UGGT1: variants seen among roughly 807,000 people sequenced by gnomAD.
The protein encoded by UGGT1 is UDP-glucose glycoprotein glucosyltransferase 1, also known as UDP-glucose:glycoprotein glucosyltransferase 1.
UGGT1 carries 107 observed loss-of-function variants against 203.9 expected under a neutral mutation model. That is an observed-to-expected ratio of 0.52 (90% CI 0.45 to 0.62). The LOEUF is 0.62. UGGT1 is among the 20% of genes least tolerant of loss of function. The pLI, the probability that UGGT1 is intolerant of heterozygous loss-of-function variation, is 0.00. For missense variants in UGGT1, 1,673 were observed against 1,867.2 expected (o/e 0.90, Z 1.92); for synonymous variants, 628 against 653.5 (o/e 0.96, Z 0.59).
intron 18 of UGGT1, chr2:128,151,130 C>G (rs1689941689): frequency 2.5e-6 from 1 of 404,768 alleles, no homozygotes; most frequent in African/African-American, 2.1e-5. Flanking sequence ...GGATTATAGG[C>G]ATGAGCCATT....
chr2:128,105,559 G>A (rs1294399986), intron 3 of UGGT1, among the ~76,000 whole-genome samples: 1 of 151,792 alleles, frequency 6.6e-6, no homozygotes, highest in Non-Finnish European at 1.5e-5. Context: ...CTGTTGCCCA[G>A]GCTGGAGTGC....
chr2:128,187,032 G>A (rs1283726731), intron 39 of UGGT1, among the ~76,000 whole-genome samples: 2 of 152,032 alleles, frequency 1.3e-5, no homozygotes, highest in Non-Finnish European at 2.9e-5. Context: ...TAAGTATATA[G>A]TTTGTTGGGG....
At chr2:128,160,356 A>C (rs1690464064) in intron 23 of UGGT1, 104 bp from the exon 24 acceptor site, 3 of 1,235,084 alleles carry the variant, frequency 2.4e-6, no homozygotes, top group Non-Finnish European at 3.3e-6. Context: ...ATTAGTTATT[A>C]CTTTCCAGGG....
chr2:128,180,901 T>C lies in UGGT1; in HGVS notation c.3912T>C (p.Pro1304=). The change falls in exon 36 of 41, where the codon CCT becomes CCC. Residue 1304 remains proline, a synonymous_variant. Transcript: ENST00000259253. ...YLSPTFKEFI[P]YMANEYNFQY... is the part of the protein sequence containing the mutation. ...ATGTCTAAAAATAGGAGTTTATACC[T>C]TACATGGCAAATGAATACAATTTCC... 6.2e-7 allele frequency: 1 copy of C among 1,613,532 alleles called. No individual in the cohort carries two copies. The highest frequency in any genetic ancestry group is 8.5e-7 in the Non-Finnish European group (1 of 1,179,824).
In UGGT1 at chr2:128,141,747, G is replaced by A. The variant is rs1382019161; in HGVS notation, c.1720-1347G>A. Among the ~76,000 whole-genome samples the A allele has an allele frequency of 2.0e-5, 3 of 150,380 alleles. No individual in the cohort carries two copies. In the South Asian group the frequency reaches 6.3e-4, roughly 32 times the overall value. On this transcript the variant is annotated intron_variant, in intron 16 of 40. Coordinates refer to ENST00000259253, the MANE Select transcript of UGGT1 (RefSeq NM_020120.4). Reference sequence around the variant, plus strand: ...AGTCTCTTGAACCCAGGAGGCGGAGGTAGCAGTGAGCCAAGATGGTGCCAT... The same window carrying A: ...AGTCTCTTGAACCCAGGAGGCGGAGATAGCAGTGAGCCAAGATGGTGCCAT...
chr2:128,107,170 A>C (rs1687645883), intron 3 of UGGT1, among the ~76,000 whole-genome samples: 1 of 149,030 alleles, frequency 6.7e-6, no homozygotes. Flanking sequence ...AAATATATAC[A>C]TATGTATTCT....
intron 13 of UGGT1, among the ~76,000 whole-genome samples, 155 bp downstream of exon 13, chr2:128,129,334 T>C (rs1047259434): frequency 6.6e-6 from 1 of 152,078 alleles, no homozygotes; most frequent in African/African-American, 2.4e-5. Context: ...GTGTATGTAA[T>C]AAAGTAGGCC....
In UGGT1 at chr2:128,107,961, G is replaced by C. The variant is rs778094806; in HGVS notation, c.301G>C (p.Ala101Pro). 6.2e-7 allele frequency: 1 copy of C among 1,614,036 alleles called. No individual in the cohort carries two copies. The highest frequency in any genetic ancestry group is 8.5e-7 in the Non-Finnish European group (1 of 1,180,006). The change falls in exon 4 of 41, where the codon GCA (alanine) becomes CCA (proline). Residue 101 changes from alanine to proline, a missense_variant. Physicochemically the swap from Ala to Pro is conservative, Grantham distance 27. Coordinates refer to ENST00000259253, the MANE Select transcript of UGGT1 (RefSeq NM_020120.4). ...HDGTDYSYYH[A>P]ILEAAFQFLS... ...AGGTACCGATTATTCCTACTATCAT[G>C]CAATATTGGAGGCTGCATTTCAGTT...
At chr2:128,164,704 A>G in intron 25 of UGGT1, 26 bp from the exon 26 acceptor site, 2 of 1,599,010 alleles carry the variant, frequency 1.3e-6, no homozygotes, top group South Asian at 1.1e-5. Flanking sequence ...AAAAGATGTT[A>G]AGATTTCTCT....
At position 128,171,205 on chromosome 2, in the gene UGGT1, G is replaced by A; in HGVS notation, c.3025G>A (p.Val1009Ile). The change falls in exon 28 of 41, where the codon GTT (valine) becomes ATT (isoleucine). Residue 1009 changes from valine (V) to isoleucine (I), a missense_variant and splice_region_variant. By Grantham distance (29) the Val-to-Ile change is conservative (BLOSUM62 3). This residue lies in a region of UGGT1 where 513 missense variants were observed against 684.1 expected (regional missense o/e 0.75). Transcript: ENST00000259253. ...EAQRLAPLLL[V>I]LAQLINMNLR... ...TTTTGTCATCTGGTTTTCCTTCTAGGTTTTGGCTCAGCTGATAAACATGAA... is the reference window on the plus strand; with the variant it reads ...TTTTGTCATCTGGTTTTCCTTCTAGATTTTGGCTCAGCTGATAAACATGAA... 1 of 1,607,846 alleles carries A rather than the reference G, an allele frequency of 6.2e-7. No homozygotes were observed. The highest frequency in any genetic ancestry group is 8.5e-7 in the Non-Finnish European group (1 of 1,178,336).
intron 5 of UGGT1, among the ~76,000 whole-genome samples, chr2:128,110,837 A>G (rs1387611706): frequency 6.6e-6 from 1 of 152,172 alleles, no homozygotes; most frequent in Non-Finnish European, 1.5e-5. Context: ...ACTGTCCCGT[A>G]ATTGGTAATT....
chr2:128,161,243 C>A lies in UGGT1; in HGVS notation c.2800C>A (p.Gln934Lys). The A allele has an allele frequency of 6.2e-7, 1 of 1,613,788 alleles. No individual in the cohort carries two copies. The highest frequency in any genetic ancestry group is 1.1e-5 in the South Asian group (1 of 91,034). The change falls in exon 25 of 41, where the codon CAA becomes AAA. Residue 934 changes from glutamine to lysine, a missense_variant. Gln to Lys is a moderately conservative substitution (Grantham distance 53). Coordinates refer to ENST00000259253, the MANE Select transcript of UGGT1 (RefSeq NM_020120.4). ...TSGQKIKSHI[Q>K]QLRVEEDVAS... ...AGGACAGAAAATAAAATCTCATATT[C>A]AACAGCTTCGGGTAGAAGAAGATGT...
chr2:128,103,551 C>A (rs935475477), intron 2 of UGGT1, among the ~76,000 whole-genome samples: 1 of 152,098 alleles, frequency 6.6e-6, no homozygotes, highest in African/African-American at 2.4e-5. Flanking sequence ...TAAGGCCTTT[C>A]AGAAAATAAG....
At chr2:128,093,000 T>A (rs1686939917) in intron 1 of UGGT1, among the ~76,000 whole-genome samples, 1 of 152,242 alleles carries the variant, frequency 6.6e-6, no homozygotes, top group Non-Finnish European at 1.5e-5. Flanking sequence ...TAAGGGATCC[T>A]ATAAAATGAA....
chr2:128,139,967 G>T, intron 16 of UGGT1: 1 of 153,872 alleles, frequency 6.5e-6, no homozygotes, highest in South Asian at 1.8e-4. Flanking sequence ...GTGTCTGCTT[G>T]ATGAGGTCCA....
chr2:128,097,446 G>A lies in UGGT1; in HGVS notation c.76G>A (p.Gly26Arg), dbSNP rs140632100. ...CCTTTTAGGAGTTTGCTATAAAATG[G>A]GAGTTCTGGTTGTACTCACTGTTCT... ...LPVTGVCYKM[G>R]VLVVLTVLWL... The change falls in exon 2 of 41, where the codon GGA becomes AGA. Residue 26 changes from glycine (G) to arginine (R), a missense_variant. Coordinates refer to ENST00000259253, the MANE Select transcript of UGGT1 (RefSeq NM_020120.4). The A allele has an allele frequency of 6.2e-7, 1 of 1,609,622 alleles. No individual in the cohort carries two copies. The highest frequency in any genetic ancestry group is 1.3e-5 in the African/African-American group (1 of 74,546).
chr2:128,187,726 C>T (rs947445987), intron 40 of UGGT1, 112 bp downstream of exon 40: 1 of 1,199,882 alleles, frequency 8.3e-7, no homozygotes, highest in Non-Finnish European at 1.1e-6. Flanking sequence ...TCCTATTAAT[C>T]CTTCCATTCT....
chr2:128,140,377 TC>T (rs1440139778), intron 16 of UGGT1: 2 of 152,816 alleles, frequency 1.3e-5, no homozygotes, highest in East Asian at 3.9e-4. Context: ...GGAGAACTTG[TC>T]CCTGTCCATG....
chr2:128,160,031 T>C (rs1417045448), intron 23 of UGGT1, among the ~76,000 whole-genome samples: 1 of 152,210 alleles, frequency 6.6e-6, no homozygotes, highest in East Asian at 1.9e-4. Context: ...GTTCAAGGCT[T>C]ATATGTTCTT....
Sources: gnomAD v4.1 joint callset for allele counts (sites outside exome capture counted in the v4.1 genomes callset) on GRCh38, gnomAD v4.1.1 for gene constraint, gnomAD v4.1.1 regional missense constraint, MANE v1.5 for transcripts, NCBI Gene and HGNC (gene_info 2026-07-23, HGNC 2026-07-21) for gene names.